DNMT3A: variants seen among roughly 807,000 people sequenced by gnomAD.
DNMT3A encodes DNA methyltransferase 3 alpha, also known as DNA (cytosine-5)-methyltransferase 3A.
A neutral mutation model predicts 117.6 loss-of-function variants in DNMT3A; 267 were observed. That is an observed-to-expected ratio of 2.27 (90% CI 2.05 to 2.51). DNMT3A has a LOEUF of 2.51. Among genes scored for constraint, DNMT3A ranks in the 30% most tolerant of loss-of-function variants. DNMT3A has a pLI of 0.00. For synonymous variants in DNMT3A, 432 were observed against 474.8 expected (o/e 0.91, Z 1.17); for missense variants, 1,029 against 1,260.2 (o/e 0.82, Z 2.78).
chr2:25,300,545 C>T (rs1184558939), intron 2 of DNMT3A, among the ~76,000 whole-genome samples: 1 of 147,638 alleles, frequency 6.8e-6, no homozygotes, highest in East Asian at 2.0e-4. Flanking sequence ...AGTTTGAGAC[C>T]AGCCTGGGCA....
intron 1 of DNMT3A, among the ~76,000 whole-genome samples, chr2:25,338,688 G>A (rs1194084259): frequency 6.6e-6 from 1 of 152,168 alleles, no homozygotes; most frequent in Non-Finnish European, 1.5e-5. Flanking sequence ...ACTGAGAGCG[G>A]GGACAGACAC....
At chr2:25,261,742 C>A (rs760025241) in intron 6 of DNMT3A, among the ~76,000 whole-genome samples, 17 of 152,198 alleles carry the variant, frequency 1.1e-4, no homozygotes, top group Non-Finnish European at 2.5e-4. Flanking sequence ...GGACGTTGAC[C>A]CCCGGCCACC....
intron 10 of DNMT3A, 93 bp downstream of exon 10, chr2:25,246,527 C>A: frequency 2.0e-6 from 3 of 1,521,100 alleles, no homozygotes; most frequent in South Asian, 1.3e-5. Flanking sequence ...TCTGTGGAGG[C>A]CTTGGCAGCC....
chr2:25,314,179 G>C lies in DNMT3A; in HGVS notation c.-177-18C>G. On this transcript the variant is annotated intron_variant, in intron 1 of 22. Coordinates refer to ENST00000321117, the MANE Select transcript of DNMT3A (RefSeq NM_022552.5). The stretch of plus-strand genomic sequence containing the variant: ...GGCTCCACCTGTGGGGGAGAGAAGA[G>C]GATCAGTGGGGCGGAGCACCCCACC... 1 of 1,417,604 alleles carries C rather than the reference G, an allele frequency of 7.1e-7. No homozygotes were observed. Among genetic ancestry groups the C allele is most frequent in the Non-Finnish European group, 9.2e-7 (1 of 1,089,556 alleles). 87.8% of individuals were successfully genotyped at this position (1,417,604 alleles called of 1,614,324 possible). A position where few individuals can be genotyped will look rare whatever the true frequency, so the allele number is the denominator to read the frequency against.
chr2:25,316,215 C>T (rs748998797), intron 1 of DNMT3A, among the ~76,000 whole-genome samples: 76 of 152,336 alleles, frequency 5.0e-4, no homozygotes, highest in Non-Finnish European at 9.0e-4. Context: ...ACCCAGAGGG[C>T]ATCTGTGCCG....
chr2:25,251,930 C>T, intron 6 of DNMT3A: 1 of 480,246 alleles, frequency 2.1e-6, no homozygotes, highest in Non-Finnish European at 3.7e-6. Context: ...GGGCTCCCGG[C>T]CGGCTGCTCT....
chr2:25,248,235 C>T lies in DNMT3A; in HGVS notation c.657G>A (p.Lys219=). ...RWKREAEKKA[K]VIAGMNAVEE... The stretch of plus-strand genomic sequence containing the variant: ...CCACAGCATTCATTCCTGCAATGAC[C>T]TTGGCTTTCTTCTCAGCCTGGGGAA... The change falls in exon 7 of 23, where the codon AAG becomes AAA. Residue 219 remains lysine (K), a synonymous_variant. Coordinates refer to ENST00000321117, the MANE Select transcript of DNMT3A (RefSeq NM_022552.5). The T allele has an allele frequency of 3.1e-6, 5 of 1,611,992 alleles. No homozygotes were observed. Among genetic ancestry groups the T allele is most frequent in the Non-Finnish European group, 4.2e-6 (5 of 1,179,526 alleles).
chr2:25,271,935 T>C (rs1375139272), intron 6 of DNMT3A, among the ~76,000 whole-genome samples: 1 of 152,200 alleles, frequency 6.6e-6, no homozygotes, highest in Non-Finnish European at 1.5e-5. Context: ...GGGAGGTCGT[T>C]ACACTACTCT....
intron 3 of DNMT3A, among the ~76,000 whole-genome samples, chr2:25,284,373 G>A (rs772690044): frequency 7.9e-5 from 12 of 152,050 alleles, no homozygotes; most frequent in Non-Finnish European, 1.5e-4. Context: ...GTAGCCAGGC[G>A]TGGTGGCTTA....
chr2:25,283,757 G>C (rs74791103), intron 3 of DNMT3A, among the ~76,000 whole-genome samples: 145 of 152,276 alleles, frequency 9.5e-4, no homozygotes, highest in African/African-American at 3.2e-3. Flanking sequence ...AACTGAACTC[G>C]CTAAGGTTCC....
chr2:25,283,680 T>G (rs1348022266), intron 3 of DNMT3A, among the ~76,000 whole-genome samples: 1 of 152,224 alleles, frequency 6.6e-6, no homozygotes, highest in Non-Finnish European at 1.5e-5. Context: ...CAACAACTCT[T>G]CCTGAGCACT....
rs1483702387 is a variant in DNMT3A at position 25,294,530 on chromosome 2, A to G, written c.177+5609T>C. ...TCAGGAAGTTATATGCATAAAAGGT[A>G]GGGGCACCATATCACCCAGCCGAGG... On this transcript the variant is annotated intron_variant, in intron 3 of 22. Coordinates refer to ENST00000321117, the MANE Select transcript of DNMT3A (RefSeq NM_022552.5). The surrounding 1 kb of genome is among the most constrained non-coding windows in gnomAD (Gnocchi z 4.7). Among the ~76,000 whole-genome samples the G allele has an allele frequency of 6.6e-6, 1 of 152,176 alleles. No homozygotes were observed. The highest frequency in any genetic ancestry group is 1.5e-5 in the Non-Finnish European group (1 of 68,024).
At position 25,232,331 on chromosome 2, in the gene DNMT3A, G is replaced by C. The variant is rs1443991957; in HGVS notation, c.*1948C>G. ...ACCTGCCCGTCGGGCCCTCACCCTG[G>C]AGCCAACAATGCCATCCCTTCCTAC... On this transcript the variant is annotated 3_prime_UTR_variant, in exon 23 of 23. Transcript: ENST00000321117. The surrounding 1 kb of genome is among the most constrained non-coding windows in gnomAD (Gnocchi z 4.1). The C allele has an allele frequency of 6.6e-6, 1 of 152,264 alleles. No individual in the cohort carries two copies. The highest frequency in any genetic ancestry group is 6.5e-5 in the Admixed American group (1 of 15,286). 9.4% of individuals were successfully genotyped at this position (152,264 alleles called of 1,614,324 possible).
rs574402000 is a variant in DNMT3A at position 25,261,421 on chromosome 2, A to G, written c.640-13169T>C. 2.2e-5 allele frequency among the ~76,000 whole-genome samples: 3 copies of G among 137,506 alleles called. No homozygotes were observed. In the East Asian group the frequency reaches 6.9e-4, roughly 31 times the overall value. 90.2% of individuals were successfully genotyped at this position (137,506 alleles called of 152,430 possible). On this transcript the variant is annotated intron_variant, in intron 6 of 22. Transcript: ENST00000321117. ...GCCACTGCACTCCAGCCTGGGTGAC[A>G]GAGTGAGACTCTGTCTCAAAAAAAA...
At chr2:25,258,849 A>G (rs1676373052) in intron 6 of DNMT3A, among the ~76,000 whole-genome samples, 2 of 152,214 alleles carry the variant, frequency 1.3e-5, no homozygotes, top group Admixed American at 6.5e-5. Flanking sequence ...GAAAAGCACA[A>G]GCACAGCCTT....
chr2:25,340,181 C>T (rs1283691033), intron 1 of DNMT3A, among the ~76,000 whole-genome samples: 4 of 152,138 alleles, frequency 2.6e-5, no homozygotes, highest in Admixed American at 1.3e-4. Flanking sequence ...TGCTGGGTGC[C>T]AGACGCCATG....
intron 10 of DNMT3A, 111 bp from the exon 11 acceptor site, chr2:25,246,420 C>T: frequency 1.4e-6 from 2 of 1,463,042 alleles, no homozygotes; most frequent in South Asian, 2.7e-5. Flanking sequence ...CTTGTTCCCA[C>T]CTCCCAACTC....
intron 4 of DNMT3A, among the ~76,000 whole-genome samples, chr2:25,276,822 A>G (rs1214091056): frequency 3.9e-5 from 6 of 152,238 alleles, no homozygotes; most frequent in Non-Finnish European, 8.8e-5. Flanking sequence ...GGGGGAGACA[A>G]AGAGCCTGAA....
intron 6 of DNMT3A, among the ~76,000 whole-genome samples, chr2:25,258,380 G>A (rs1339334752): frequency 6.6e-6 from 1 of 152,236 alleles, no homozygotes; most frequent in Non-Finnish European, 1.5e-5. Flanking sequence ...GCACTGAGCA[G>A]TCTGGTTTTA....
Sources: allele counts gnomAD v4.1 joint callset (sites outside exome capture counted in the v4.1 genomes callset), GRCh38; gene constraint gnomAD v4.1.1; non-coding constraint Gnocchi (gnomAD v3.1); transcripts MANE v1.5; gene names NCBI Gene and HGNC (gene_info 2026-07-23, HGNC 2026-07-21).